Variants in LLGL1 observed in about 807,000 individuals in gnomAD.
LLGL1 encodes the protein lethal(2) giant larvae protein homolog 1.
In LLGL1, 58 loss-of-function variants were observed where a neutral mutation model predicts 110.6. The observed-to-expected ratio is 0.52, with a 90% CI of 0.42 to 0.65. LLGL1 has a LOEUF of 0.65. Among genes scored for constraint, LLGL1 ranks in the 30% least tolerant of loss-of-function variants. The probability of loss-of-function intolerance (pLI) is 0.00; values close to 1 mark genes in which losing one functional copy is unlikely to be tolerated. For synonymous variants in LLGL1, 674 were observed against 607.2 expected (o/e 1.11, Z -1.62); for missense variants, 1,229 against 1,462.1 (o/e 0.84, Z 2.60).
At chr17:18,235,343 G>C (rs550809141) in intron 10 of LLGL1, 31 bp downstream of exon 10, 1 of 1,607,950 alleles carries the variant, frequency 6.2e-7, no homozygotes, top group Non-Finnish European at 8.5e-7. Context: ...GGTCTTACAG[G>C]GTGGAGTCTT....
chr17:18,237,598 C>A lies in LLGL1; in HGVS notation c.1729C>A (p.Arg577Ser). Residue 577 changes from arginine (R) to serine (S), a missense_variant, in exon 14 of 23, where the codon CGC (arginine) becomes AGC (serine). Physicochemically the swap from Arg to Ser is moderately radical, Grantham distance 110. Coordinates refer to ENST00000316843, the MANE Select transcript of LLGL1 (RefSeq NM_004140.4). ...GAAGGGCCACGAGCGGCTGAGCCCA[C>A]GCACGGGGCCGCTGCCCTGGCCTGC... is the stretch of plus-strand genomic sequence containing the variant. ...TWKGHERLSP[R>S]TGPLPWPAGF... 6.2e-7 allele frequency: 1 copy of A among 1,610,870 alleles called. No individual in the cohort carries two copies. Among genetic ancestry groups the A allele is most frequent in the South Asian group, 1.1e-5 (1 of 90,960 alleles).
intron 16 of LLGL1, among the ~76,000 whole-genome samples, chr17:18,238,884 G>A (rs1421614327): frequency 1.3e-5 from 2 of 152,144 alleles, no homozygotes; most frequent in African/African-American, 2.4e-5. Context: ...GGTGGCGGGC[G>A]CCTGTAATCC....
intron 20 of LLGL1, 59 bp from the exon 21 acceptor site, chr17:18,242,449 C>A (rs1172420342): frequency 1.2e-6 from 2 of 1,605,004 alleles, no homozygotes; most frequent in East Asian, 2.2e-5. Flanking sequence ...TGTCCCTAGG[C>A]CCCCAGGTGC....
At chr17:18,231,396 C>G in intron 2 of LLGL1, among the ~76,000 whole-genome samples, 1 of 152,252 alleles carries the variant, frequency 6.6e-6, no homozygotes, top group African/African-American at 2.4e-5. Flanking sequence ...AGCTCAAGCT[C>G]CAGGCAACGG....
intron 1 of LLGL1, among the ~76,000 whole-genome samples, chr17:18,228,494 C>A (rs1362211703): frequency 6.6e-6 from 1 of 152,186 alleles, no homozygotes; most frequent in Admixed American, 6.5e-5. Flanking sequence ...CCAATCCAGG[C>A]ACGTGACGGT....
At position 18,230,037 on chromosome 17, in the gene LLGL1, A is replaced by T; in HGVS notation, c.178A>T (p.Ile60Phe). ...CGGCACCAGGTCTGGGGCTGTCAAG[A>T]TGTATCCTTTGCAGGACAGGTGTTC... ...AIGTRSGAVK[I>F]YGAPGVEFTG... is the part of the protein sequence containing the mutation. Residue 60 changes from isoleucine (I) to phenylalanine (F), a missense_variant and splice_region_variant, in exon 2 of 23, where the codon ATC becomes TTC. Physicochemically the swap from Ile to Phe is conservative, Grantham distance 21. Coordinates refer to ENST00000316843, the MANE Select transcript of LLGL1 (RefSeq NM_004140.4). 1.9e-6 allele frequency: 3 copies of T among 1,608,952 alleles called. No homozygotes were observed. Among genetic ancestry groups the T allele is most frequent in the Non-Finnish European group, 2.5e-6 (3 of 1,178,622 alleles).
Position 18,234,010 on chromosome 17 carries a change from C to T in LLGL1, c.552-3C>T, listed in dbSNP as rs2047630372. ...CTGCTGGCTCACCTGCCTTCCTCCA[C>T]AGCGTGCCAGACGACTACCGCTGTG... On this transcript the variant is annotated splice_region_variant and splice_polypyrimidine_tract_variant and intron_variant, in intron 5 of 22. Coordinates refer to ENST00000316843, the MANE Select transcript of LLGL1 (RefSeq NM_004140.4). 3 of 1,593,894 alleles carry T rather than the reference C, an allele frequency of 1.9e-6. No homozygotes were observed. Among genetic ancestry groups the T allele is most frequent in the African/African-American group, 1.3e-5 (1 of 74,688 alleles).
intron 2 of LLGL1, among the ~76,000 whole-genome samples, chr17:18,230,332 G>A (rs1051115045): frequency 6.6e-5 from 10 of 152,208 alleles, no homozygotes; most frequent in African/African-American, 2.4e-4. Flanking sequence ...CCCTGCCATC[G>A]TCCCAGCAAC....
chr17:18,233,946 C>A lies in LLGL1; in HGVS notation c.551+10C>A, dbSNP rs372718134. The A allele has an allele frequency of 6.2e-7, 1 of 1,608,372 alleles. No homozygotes were observed. On this transcript the variant is annotated intron_variant, in intron 5 of 22. Transcript: ENST00000316843. ...GCGAGGTTCTGCGCAGGTAAGAGGCCGGTGGGCTTCCCAGCACCCACTGTG... is the reference window on the plus strand; with the variant it reads ...GCGAGGTTCTGCGCAGGTAAGAGGCAGGTGGGCTTCCCAGCACCCACTGTG...
rs112522419 is a variant in LLGL1 at position 18,238,633 on chromosome 17, A to G, written c.2206+24A>G. On this transcript the variant is annotated intron_variant, in intron 16 of 22. Coordinates refer to ENST00000316843, the MANE Select transcript of LLGL1 (RefSeq NM_004140.4). The stretch of plus-strand genomic sequence containing the variant: ...TGGTAAGGCAGGGGCAGGGGCAGGG[A>G]CAGGGCAAGGGTTGGGGGGGCTGGC... 8,430 of 1,601,390 alleles carry G rather than the reference A, an allele frequency of 5.3e-3. 156 individuals carry two copies. In the African/African-American group the frequency reaches 0.059, roughly 11 times the overall value.
In LLGL1 at chr17:18,238,627, G is replaced by A. The variant is rs375853000; in HGVS notation, c.2206+18G>A. 2 of 1,603,520 alleles carry A rather than the reference G, an allele frequency of 1.2e-6. No individual in the cohort carries two copies. Among genetic ancestry groups the A allele is most frequent in the African/African-American group, 1.3e-5 (1 of 74,828 alleles). Reference sequence around the variant, plus strand: ...TCGAGATGGTAAGGCAGGGGCAGGGGCAGGGACAGGGCAAGGGTTGGGGGG... The same window carrying A: ...TCGAGATGGTAAGGCAGGGGCAGGGACAGGGACAGGGCAAGGGTTGGGGGG... On this transcript the variant is annotated intron_variant, in intron 16 of 22. Coordinates refer to ENST00000316843, the MANE Select transcript of LLGL1 (RefSeq NM_004140.4).
At position 18,241,341 on chromosome 17, in the gene LLGL1, A is replaced by T. The variant is rs1597879725; in HGVS notation, c.2503-110A>T. 3.6e-6 allele frequency: 5 copies of T among 1,408,084 alleles called. No homozygotes were observed. In the East Asian group the frequency reaches 9.7e-5, roughly 27 times the overall value. The allele number at this position is 1,408,084 out of a possible 1,614,324, so 87.2% of individuals were successfully genotyped here. The stretch of plus-strand genomic sequence containing the variant: ...GTACAGGCACGGGAGGCCACGTAGC[A>T]TGCAGCTGGGCTTTGTGGTGGGGGC... On this transcript the variant is annotated intron_variant, in intron 17 of 22. Coordinates refer to ENST00000316843, the MANE Select transcript of LLGL1 (RefSeq NM_004140.4).
Position 18,240,633 on chromosome 17 carries a change from C to G in LLGL1, c.2262C>G (p.Ala754=). Residue 754 remains alanine, a synonymous_variant, in exon 17 of 23, where the codon GCC becomes GCG. Coordinates refer to ENST00000316843, the MANE Select transcript of LLGL1 (RefSeq NM_004140.4). This position sits in a 1 kb window ranked among gnomAD's most constrained non-coding sequence, Gnocchi z 5.3. ...GCACCAACTCAGGCTCTGTGTTCGC[C>G]TATGCACTGGAGGTGCCGGCAGCAG... ...WAGTNSGSVF[A]YALEVPAAAV... 9.9e-6 allele frequency: 16 copies of G among 1,612,806 alleles called. No individual in the cohort carries two copies. Among genetic ancestry groups the G allele is most frequent in the Non-Finnish European group, 1.4e-5 (16 of 1,179,612 alleles).
chr17:18,235,805 T>G, intron 11 of LLGL1: 2 of 500,692 alleles, frequency 4.0e-6, no homozygotes, highest in Non-Finnish European at 7.2e-6. Flanking sequence ...GACTGGAAAA[T>G]CTGGGCTGGC....
At chr17:18,238,416 G>A in intron 15 of LLGL1, 40 bp from the exon 16 acceptor site, 1 of 1,584,804 alleles carries the variant, frequency 6.3e-7, no homozygotes. Context: ...AAGCCACTGG[G>A]GTGCTAGGGA....
At chr17:18,243,458 G>A (rs771649926) in intron 22 of LLGL1, among the ~76,000 whole-genome samples, 8 of 152,232 alleles carry the variant, frequency 5.3e-5, no homozygotes, top group Admixed American at 3.3e-4. Flanking sequence ...GGGCTTGGGA[G>A]CTGGTTTGGC....
chr17:18,230,828 C>T (rs2047551293), intron 2 of LLGL1, among the ~76,000 whole-genome samples: 1 of 152,156 alleles, frequency 6.6e-6, no homozygotes, highest in African/African-American at 2.4e-5. Context: ...CTCCTCACCC[C>T]AGGACTGGGG....
rs144404865 is a variant in LLGL1 at position 18,232,707 on chromosome 17, G to T, written c.297G>T (p.Leu99=). 6.2e-7 allele frequency: 1 copy of T among 1,614,188 alleles called. No individual in the cohort carries two copies. Among genetic ancestry groups the T allele is most frequent in the Non-Finnish European group, 8.5e-7 (1 of 1,180,036 alleles). ...RLLSLLDDSS[L]HLWEIVHHNG... The stretch of plus-strand genomic sequence containing the variant: ...TGTCCCTGCTTGATGACAGCAGTCT[G>T]CATCTCTGGGAGATTGTCCACCATA... The change falls in exon 4 of 23, where the codon CTG becomes CTT. Residue 99 remains leucine (L), a synonymous_variant. Coordinates refer to ENST00000316843, the MANE Select transcript of LLGL1 (RefSeq NM_004140.4).
At chr17:18,238,753 G>A (rs1215012376) in intron 16 of LLGL1, 144 bp downstream of exon 16, 7 of 816,710 alleles carry the variant, frequency 8.6e-6, no homozygotes, top group Non-Finnish European at 1.4e-5. Context: ...AAGCCTGTGA[G>A]TGATCCCAGC....
Sources: gnomAD v4.1 joint callset for allele counts (sites outside exome capture counted in the v4.1 genomes callset) on GRCh38, gnomAD v4.1.1 for gene constraint, Gnocchi (gnomAD v3.1) non-coding constraint, MANE v1.5 for transcripts, NCBI Gene and HGNC (gene_info 2026-07-23, HGNC 2026-07-21) for gene names.